CCL28: variants seen among roughly 807,000 people sequenced by gnomAD.
CCL28 encodes the protein C-C motif chemokine ligand 28, also known as C-C motif chemokine 28.
Under a neutral mutation model 7.1 loss-of-function variants are expected in CCL28, and 4 were observed. That is an observed-to-expected ratio of 0.56 (90% CI 0.28 to 1.29). The LOEUF (loss-of-function observed/expected upper bound fraction) is 1.29. Among genes scored for constraint, CCL28 ranks in the 50% most tolerant of loss-of-function variants. The probability of loss-of-function intolerance (pLI) is 0.11; values close to 1 mark genes in which losing one functional copy is unlikely to be tolerated. For missense variants in CCL28, 151 were observed against 163.4 expected (o/e 0.92, Z 0.41); for synonymous variants, 55 against 57.8 (o/e 0.95, Z 0.22).
Position 43,380,007 on chromosome 5 carries a change from G to C in CCL28, c.*1853C>G, listed in dbSNP as rs1281606769. 6.6e-6 allele frequency: 1 copy of C among 152,140 alleles called. No homozygotes were observed. The highest frequency in any genetic ancestry group is 1.9e-4 in the East Asian group (1 of 5,192). 9.4% of individuals were successfully genotyped at this position (152,140 alleles called of 1,614,324 possible). ...TGGTGGCTGGGCGCCTGTAATATCA[G>C]TTACTTGGGAGGCTGAGGCAAGAGA... is the stretch of plus-strand genomic sequence containing the variant. On this transcript the variant is annotated 3_prime_UTR_variant, in exon 3 of 3. Coordinates refer to ENST00000361115, the MANE Select transcript of CCL28 (RefSeq NM_148672.3).
chr5:43,390,530 T>A (rs2111773287), intron 1 of CCL28, among the ~76,000 whole-genome samples: 1 of 152,352 alleles, frequency 6.6e-6, no homozygotes, highest in African/African-American at 2.4e-5. Flanking sequence ...GGAATTTCTC[T>A]GAAAAGTGAT....
chr5:43,365,976 T>A, the CCL28 span, among the ~76,000 whole-genome samples: 1 of 152,240 alleles, frequency 6.6e-6, no homozygotes, highest in Non-Finnish European at 1.5e-5. Flanking sequence ...CTTGTGTATA[T>A]TTCATGAAGT....
intron 1 of CCL28, among the ~76,000 whole-genome samples, chr5:43,408,427 G>A (rs1245286817): frequency 6.6e-6 from 1 of 152,152 alleles, no homozygotes; most frequent in African/African-American, 2.4e-5. Flanking sequence ...TTCATAGGTG[G>A]GAATTGAACA....
the CCL28 span, among the ~76,000 whole-genome samples, chr5:43,371,320 A>C: frequency 2.6e-5 from 4 of 152,164 alleles, no homozygotes; most frequent in Non-Finnish European, 5.9e-5. Context: ...TGTGGAATGG[A>C]TGATTCCAGC....
At chr5:43,364,089 CT>C in the CCL28 span, among the ~76,000 whole-genome samples, 1 of 152,212 alleles carries the variant, frequency 6.6e-6, no homozygotes, top group Non-Finnish European at 1.5e-5. Context: ...ATTTATATAT[CT>C]TCTTTTCTTT....
chr5:43,392,333 T>C (rs1039224057), intron 1 of CCL28, among the ~76,000 whole-genome samples: 2 of 152,154 alleles, frequency 1.3e-5, no homozygotes, highest in Non-Finnish European at 2.9e-5. Context: ...ACCAGGCTGG[T>C]CTTGAACTCC....
At chr5:43,390,600 C>T (rs562856259) in intron 1 of CCL28, among the ~76,000 whole-genome samples, 3 of 152,328 alleles carry the variant, frequency 2.0e-5, no homozygotes, top group Admixed American at 2.0e-4. Flanking sequence ...GAGGTCAGCT[C>T]TCTGGAGAAG....
intron 1 of CCL28, among the ~76,000 whole-genome samples, chr5:43,402,968 C>A (rs1171305730): frequency 6.6e-6 from 1 of 152,218 alleles, no homozygotes; most frequent in Non-Finnish European, 1.5e-5. Flanking sequence ...GGGGGAAGGG[C>A]GTCTGCCATT....
intron 1 of CCL28, among the ~76,000 whole-genome samples, chr5:43,408,527 A>C (rs771623559): frequency 6.6e-6 from 1 of 152,182 alleles, no homozygotes; most frequent in Non-Finnish European, 1.5e-5. Flanking sequence ...GTTAGGAGAT[A>C]TACTTATTGT....
chr5:43,372,161 T>G (rs1739796742), downstream of CCL28, among the ~76,000 whole-genome samples: 1 of 152,166 alleles, frequency 6.6e-6, no homozygotes, highest in Admixed American at 6.5e-5. Context: ...GGGCTCCTCC[T>G]CCAATATTGG....
At chr5:43,389,442 C>T (rs1197691591) in intron 1 of CCL28, among the ~76,000 whole-genome samples, 1 of 152,206 alleles carries the variant, frequency 6.6e-6, no homozygotes, top group Non-Finnish European at 1.5e-5. Context: ...ATCCACCCAT[C>T]TCACTATACG....
downstream of CCL28, among the ~76,000 whole-genome samples, chr5:43,377,750 T>TTTTTTTTG (rs1561151422): frequency 2.4e-5 from 3 of 126,734 alleles, no homozygotes; most frequent in Non-Finnish European, 3.3e-5. Context: ...TTTTTTTTTT[T>TTTTTTTTG]GAGACGGAGT....
intron 2 of CCL28, among the ~76,000 whole-genome samples, chr5:43,383,084 C>G (rs867718966): frequency 3.1e-4 from 47 of 152,142 alleles, no homozygotes; most frequent in African/African-American, 1.0e-3. Flanking sequence ...CCCCGAAGTG[C>G]TGGAATTACA....
rs1364966349 is a variant in CCL28, at chr5:43,381,063, A to ATG, written c.*795_*796dup. On this transcript the variant is annotated 3_prime_UTR_variant, in exon 3 of 3. Coordinates refer to ENST00000361115, the MANE Select transcript of CCL28 (RefSeq NM_148672.3). ...TAGAAAAATGTCTTTATTTTAGGGT[A>ATG]TGTCAAGTTATAACACCAAAAAGAA... 1 of 150,836 alleles carries ATG rather than the reference A, an allele frequency of 6.6e-6. No individual in the cohort carries two copies. Among genetic ancestry groups the ATG allele is most frequent in the Non-Finnish European group, 1.5e-5 (1 of 67,986 alleles). The allele number at this position is 150,836 out of a possible 1,614,324, so 9.3% of individuals were successfully genotyped here. A position where few individuals can be genotyped will look rare whatever the true frequency, so the allele number is the denominator to read the frequency against.
chr5:43,360,390 A>G, the CCL28 span, among the ~76,000 whole-genome samples: 1 of 152,054 alleles, frequency 6.6e-6, no homozygotes, highest in Non-Finnish European at 1.5e-5. Flanking sequence ...CTCGTACCCA[A>G]TAGTTATTTT....
At chr5:43,384,587 C>T (rs972803251) in intron 2 of CCL28, among the ~76,000 whole-genome samples, 3 of 152,078 alleles carry the variant, frequency 2.0e-5, no homozygotes, top group African/African-American at 7.2e-5. Context: ...ACCTTCCCAA[C>T]GGTGAGTTTG....
At chr5:43,384,637 TC>T (rs1049024893) in intron 2 of CCL28, among the ~76,000 whole-genome samples, 1 of 150,042 alleles carries the variant, frequency 6.7e-6, no homozygotes, top group Non-Finnish European at 1.5e-5. Flanking sequence ...CTGAGGCCAA[TC>T]CCCCTTTTTT....
chr5:43,386,633 C>T (rs576641231), intron 2 of CCL28, among the ~76,000 whole-genome samples: 10 of 152,180 alleles, frequency 6.6e-5, no homozygotes, highest in Non-Finnish European at 1.3e-4. Context: ...AACCTATGGA[C>T]CCTCTAAAAA....
intron 1 of CCL28, among the ~76,000 whole-genome samples, chr5:43,394,333 TA>T (rs893443255): frequency 6.6e-6 from 1 of 152,238 alleles, no homozygotes; most frequent in African/African-American, 2.4e-5. Context: ...AGATAAATTT[TA>T]GAATCAGTTT....
Sources: gnomAD v4.1 joint callset for allele counts (sites outside exome capture counted in the v4.1 genomes callset) on GRCh38, gnomAD v4.1.1 for gene constraint, MANE v1.5 for transcripts, NCBI Gene and HGNC (gene_info 2026-07-23, HGNC 2026-07-21) for gene names.